GRM7: variants seen among roughly 807,000 people sequenced by gnomAD.
The protein encoded by GRM7 is metabotropic glutamate receptor 7.
In GRM7, 35 loss-of-function variants were observed where a neutral mutation model predicts 84.5. The observed-to-expected ratio is 0.41, with a 90% CI of 0.32 to 0.55. The LOEUF is 0.55. GRM7 is among the 20% of genes least tolerant of loss of function. The probability of loss-of-function intolerance (pLI) is 0.19; values close to 1 mark genes in which losing one functional copy is unlikely to be tolerated. For missense variants in GRM7, 1,003 were observed against 1,194.6 expected (o/e 0.84, Z 2.36); for synonymous variants, 487 against 455.1 (o/e 1.07, Z -0.89).
chr3:7,281,676 A>C (rs1284800229), intron 2 of GRM7, among the ~76,000 whole-genome samples: 2 of 152,120 alleles, frequency 1.3e-5, no homozygotes, highest in Admixed American at 6.6e-5. Flanking sequence ...GTTCCCTTTA[A>C]ATTTTGTCAT....
intron 8 of GRM7, among the ~76,000 whole-genome samples, chr3:7,637,649 A>T (rs1698159808): frequency 6.6e-6 from 1 of 152,218 alleles, no homozygotes; most frequent in Non-Finnish European, 1.5e-5. Flanking sequence ...GAGTCATTTT[A>T]CACAAACACA....
intron 8 of GRM7, among the ~76,000 whole-genome samples, chr3:7,660,078 C>A (rs575915076): frequency 6.6e-6 from 1 of 152,250 alleles, no homozygotes; most frequent in South Asian, 2.1e-4. Flanking sequence ...AGCTAAAAAG[C>A]AAAGTATTAA....
At chr3:7,245,240 T>C (rs1697713516) in intron 2 of GRM7, among the ~76,000 whole-genome samples, 1 of 151,886 alleles carries the variant, frequency 6.6e-6, no homozygotes, top group Non-Finnish European at 1.5e-5. Context: ...GAAAATATAT[T>C]AAAATAAATA....
At chr3:7,204,916 T>C (rs1442186295) in intron 2 of GRM7, among the ~76,000 whole-genome samples, 1 of 152,218 alleles carries the variant, frequency 6.6e-6, no homozygotes, top group African/African-American at 2.4e-5. Flanking sequence ...CATTTGTAAA[T>C]AAGTAACTCA....
At chr3:7,224,204 C>G (rs898284594) in intron 2 of GRM7, among the ~76,000 whole-genome samples, 6 of 152,092 alleles carry the variant, frequency 3.9e-5, no homozygotes, top group Admixed American at 6.5e-5. Flanking sequence ...TCTGGGGAAG[C>G]CTGAGGAAAC....
At chr3:7,320,441 G>A (rs1346809034) in intron 4 of GRM7, among the ~76,000 whole-genome samples, 1 of 151,930 alleles carries the variant, frequency 6.6e-6, no homozygotes, top group Non-Finnish European at 1.5e-5. Context: ...TAATAAACTG[G>A]GAAAACATAG....
chr3:7,645,133 A>T (rs567983173), intron 8 of GRM7, among the ~76,000 whole-genome samples: 6 of 152,216 alleles, frequency 3.9e-5, no homozygotes, highest in Non-Finnish European at 7.4e-5. Context: ...ACCAGACAGG[A>T]GGAATAACTA....
At chr3:7,183,052 T>G (rs1231107790) in intron 2 of GRM7, among the ~76,000 whole-genome samples, 1 of 152,092 alleles carries the variant, frequency 6.6e-6, no homozygotes, top group African/African-American at 2.4e-5. Flanking sequence ...GGCATCAAAA[T>G]GAATTATGAA....
intron 4 of GRM7, among the ~76,000 whole-genome samples, chr3:7,372,240 G>A (rs779228781): frequency 9.2e-5 from 14 of 152,174 alleles, no homozygotes; most frequent in Non-Finnish European, 1.9e-4. Context: ...GATTTGTTGA[G>A]TTTTAGATGT....
At chr3:7,175,502 G>C (rs992362531) in intron 2 of GRM7, among the ~76,000 whole-genome samples, 2 of 152,180 alleles carry the variant, frequency 1.3e-5, no homozygotes, top group Non-Finnish European at 1.5e-5. Flanking sequence ...ACTATTTAAT[G>C]ATGAGTAACA....
At chr3:7,121,575 C>T (rs1420786102) in intron 1 of GRM7, among the ~76,000 whole-genome samples, 21 of 152,164 alleles carry the variant, frequency 1.4e-4, no homozygotes, top group Non-Finnish European at 3.1e-4. Flanking sequence ...CATTATCCCC[C>T]TTTCCTCCTA....
rs71063284 is a variant in GRM7, at chr3:7,162,729, A to ATTTTTTT, written c.736+16103_736+16109dup. Among the ~76,000 whole-genome samples, 239 of 54,710 alleles carry ATTTTTTT rather than the reference A, an allele frequency of 4.4e-3. 51 individuals carry two copies. Among genetic ancestry groups the ATTTTTTT allele is most frequent in the Non-Finnish European group, 7.1e-3 (183 of 25,684 alleles). The allele number at this position is 54,710 out of a possible 152,430, so 35.9% of individuals were successfully genotyped here. A position where few individuals can be genotyped will look rare whatever the true frequency, so the allele number is the denominator to read the frequency against. On this transcript the variant is annotated intron_variant, in intron 2 of 9. Coordinates refer to ENST00000357716, the MANE Select transcript of GRM7 (RefSeq NM_000844.4). ...CAATCTCCCATTACTCCCATTTTTC[A>ATTTTTTT]TTTTTTTTTTTTTTTTTTTTTTTTT...
At chr3:7,193,497 T>G (rs17046969) in intron 2 of GRM7, among the ~76,000 whole-genome samples, 2,094 of 152,232 alleles carry the variant, frequency 0.014, 44 homozygotes, top group African/African-American at 0.046. Flanking sequence ...CCTCTGTTTC[T>G]TGTGAGAATC....
chr3:7,557,189 T>A (rs1693806682), intron 7 of GRM7, among the ~76,000 whole-genome samples: 5 of 152,124 alleles, frequency 3.3e-5, no homozygotes, highest in South Asian at 2.1e-4. Context: ...AGGAATCCAC[T>A]GGGCTCAATC....
intron 6 of GRM7, among the ~76,000 whole-genome samples, chr3:7,461,242 T>A (rs1367450678): frequency 6.6e-6 from 1 of 152,186 alleles, no homozygotes; most frequent in Non-Finnish European, 1.5e-5. Flanking sequence ...AGCATCATCA[T>A]CAGGAGCATA....
At position 7,458,397 on chromosome 3, in the gene GRM7, GCTT is replaced by G. The variant is rs1444096428; in HGVS notation, c.1376-3182_1376-3180del. On this transcript the variant is annotated intron_variant, in intron 6 of 9. Transcript: ENST00000357716. ...AAATATAGAGTTCATTGAACACAAT[GCTT>G]CTTATTCTGTTTTAAGAAGTTCATG... Among the ~76,000 whole-genome samples the G allele has an allele frequency of 2.6e-4, 40 of 152,146 alleles. 1 individual carries two copies. Among genetic ancestry groups the G allele is most frequent in the Admixed American group, 2.6e-3 (40 of 15,260 alleles).
At position 7,314,417 on chromosome 3, in the gene GRM7, A is replaced by G. The variant is rs146483383; in HGVS notation, c.1033+7765A>G. Reference sequence around the variant, plus strand: ...AGTAATGGGCTGTTGGATATGGAAGATAACATTCATCCAGTTTTCAAGTGT... The same window carrying G: ...AGTAATGGGCTGTTGGATATGGAAGGTAACATTCATCCAGTTTTCAAGTGT... On this transcript the variant is annotated intron_variant, in intron 4 of 9. Coordinates refer to ENST00000357716, the MANE Select transcript of GRM7 (RefSeq NM_000844.4). Among the ~76,000 whole-genome samples the G allele has an allele frequency of 2.9e-3, 448 of 152,264 alleles. 4 individuals carry two copies. Among genetic ancestry groups the G allele is most frequent in the African/African-American group, 0.01 (425 of 41,552 alleles).
intron 7 of GRM7, among the ~76,000 whole-genome samples, chr3:7,534,907 T>TG (rs1296162809): frequency 6.6e-6 from 1 of 152,162 alleles, no homozygotes; most frequent in African/African-American, 2.4e-5. Context: ...TAGGGTGTTC[T>TG]GGGGGGTGGT....
intron 1 of GRM7, among the ~76,000 whole-genome samples, chr3:6,960,237 T>C (rs1693239609): frequency 1.3e-5 from 2 of 152,160 alleles, no homozygotes; most frequent in Admixed American, 6.5e-5. Context: ...CCAGTGTGCC[T>C]TCTTCTTTGT....
Sources: gnomAD v4.1 joint callset for allele counts (sites outside exome capture counted in the v4.1 genomes callset) on GRCh38, gnomAD v4.1.1 for gene constraint, MANE v1.5 for transcripts, NCBI Gene and HGNC (gene_info 2026-07-23, HGNC 2026-07-21) for gene names.